ADARB2: variants seen among roughly 807,000 people sequenced by gnomAD.
ADARB2 encodes inactive double-stranded RNA-specific editase B2.
In ADARB2, 25 loss-of-function variants were observed where a neutral mutation model predicts 62.2. That is an observed-to-expected ratio of 0.40 (90% CI 0.29 to 0.56). ADARB2 has a LOEUF of 0.56. Among genes scored for constraint, ADARB2 ranks in the 20% least tolerant of loss-of-function variants. The pLI, the probability that ADARB2 is intolerant of heterozygous loss-of-function variation, is 0.43. For synonymous variants in ADARB2, 572 were observed against 500.8 expected, an observed-to-expected ratio of 1.14 and a Z score of -1.90; for missense variants, 1,071 against 1,077.4, an observed-to-expected ratio of 0.99 and a Z score of 0.08.
rs149074965 is a variant in ADARB2, at chr10:1,229,862, G to GTGTGTGTA, written c.1513+3831_1513+3832insTACACACA. ...TGTGCTTACGTGTGTGTGTGTGTGT[G>GTGTGTGTA]TGTGTGGGTATATATGTGTGAGAAA... On this transcript the variant is annotated intron_variant, in intron 6 of 9. Coordinates refer to ENST00000381312, the MANE Select transcript of ADARB2 (RefSeq NM_018702.4). Among the ~76,000 whole-genome samples, 116 of 151,602 alleles carry GTGTGTGTA rather than the reference G, an allele frequency of 7.7e-4. 1 individual carries two copies. The highest frequency in any genetic ancestry group is 2.4e-3 in the Admixed American group (36 of 15,268).
chr10:1,309,241 A>T (rs895850189), intron 3 of ADARB2, among the ~76,000 whole-genome samples: 2 of 152,248 alleles, frequency 1.3e-5, no homozygotes, highest in East Asian at 3.8e-4. Flanking sequence ...TGAGCACCAA[A>T]CTTCATCCAG....
intron 1 of ADARB2, among the ~76,000 whole-genome samples, chr10:1,524,707 G>C (rs1443897597): frequency 6.6e-6 from 1 of 152,144 alleles, no homozygotes; most frequent in African/African-American, 2.4e-5. Flanking sequence ...GGCTGCCCGG[G>C]GGGAGGTGGT....
chr10:1,607,585 G>A (rs1199955046), intron 1 of ADARB2, among the ~76,000 whole-genome samples: 1 of 152,036 alleles, frequency 6.6e-6, no homozygotes, highest in Non-Finnish European at 1.5e-5. Flanking sequence ...ATGGAGGGAC[G>A]CCCTGACCCA....
At chr10:1,458,111 C>T (rs922932107) in intron 1 of ADARB2, among the ~76,000 whole-genome samples, 4 of 152,166 alleles carry the variant, frequency 2.6e-5, no homozygotes, top group Non-Finnish European at 4.4e-5. Flanking sequence ...CCAGACGCAT[C>T]GTCACACTCA....
chr10:1,233,969 TTTTTTTTCC>T lies in ADARB2; in HGVS notation c.1362-133_1362-125del, dbSNP rs1404250322. Reference sequence around the variant, plus strand: ...CAAGTTTTCCTTTATATTTTTCCTTTTTTTTTTCCTTTTTTTTTTGAGACGGAGTCTTGT... The same window carrying T: ...CAAGTTTTCCTTTATATTTTTCCTTTTTTTTTTTTTGAGACGGAGTCTTGT... On this transcript the variant is annotated intron_variant, in intron 5 of 9. Coordinates refer to ENST00000381312, the MANE Select transcript of ADARB2 (RefSeq NM_018702.4). 7.3e-4 allele frequency: 664 copies of T among 913,186 alleles called. 12 individuals are homozygous for T. The African/African-American group carries it at 0.02, about 28-fold the overall frequency. 56.6% of individuals were successfully genotyped at this position (913,186 alleles called of 1,614,324 possible).
intron 8 of ADARB2, among the ~76,000 whole-genome samples, chr10:1,192,567 GA>G (rs1320267687): frequency 6.6e-6 from 1 of 152,226 alleles, no homozygotes; most frequent in Admixed American, 6.5e-5. Context: ...ACATTTATAA[GA>G]AACATAAAAA....
At chr10:1,211,500 A>C (rs978929114) in intron 7 of ADARB2, among the ~76,000 whole-genome samples, 1 of 152,210 alleles carries the variant, frequency 6.6e-6, no homozygotes. Flanking sequence ...CCAGAAGCTT[A>C]GAGTTTGGTG....
intron 1 of ADARB2, among the ~76,000 whole-genome samples, chr10:1,718,349 G>A (rs1425289218): frequency 1.3e-5 from 2 of 152,176 alleles, no homozygotes; most frequent in African/African-American, 2.4e-5. Context: ...ATGCATGGAC[G>A]GTCAGGCTTC....
intron 1 of ADARB2, among the ~76,000 whole-genome samples, chr10:1,455,744 T>C (rs1015627413): frequency 8.5e-5 from 13 of 152,182 alleles, no homozygotes; most frequent in African/African-American, 3.1e-4. Context: ...ACAGATTCAT[T>C]TCTGATTCAT....
intron 1 of ADARB2, among the ~76,000 whole-genome samples, chr10:1,611,283 G>A (rs964535438): frequency 3.3e-5 from 5 of 152,124 alleles, no homozygotes; most frequent in African/African-American, 9.7e-5. Context: ...TGTGCCCAAG[G>A]CCCATAAATC....
intron 5 of ADARB2, 83 bp from the exon 6 acceptor site, chr10:1,233,928 T>A (rs961922113): frequency 2.1e-6 from 3 of 1,409,898 alleles, no homozygotes; most frequent in Non-Finnish European, 2.8e-6. Context: ...GAGTCCTGTT[T>A]TGTAGAGTTG....
intron 7 of ADARB2, among the ~76,000 whole-genome samples, chr10:1,213,485 G>GC (rs914664329): frequency 1.8e-4 from 27 of 152,152 alleles, no homozygotes; most frequent in Non-Finnish European, 1.5e-4. Context: ...CCTTGCCTGT[G>GC]CCCCCACACC....
intron 8 of ADARB2, among the ~76,000 whole-genome samples, chr10:1,186,163 G>T (rs1412021218): frequency 6.6e-6 from 1 of 152,254 alleles, no homozygotes; most frequent in Non-Finnish European, 1.5e-5. Flanking sequence ...CCCTCGGGGT[G>T]GGGAAGGCAT....
chr10:1,568,110 G>A (rs1024251519), intron 1 of ADARB2, among the ~76,000 whole-genome samples: 2 of 152,196 alleles, frequency 1.3e-5, no homozygotes, highest in African/African-American at 2.4e-5. Flanking sequence ...AGTGAGAGAC[G>A]GCGCAGTGCA....
rs557237534 is a variant in ADARB2, at chr10:1,273,844, G to C, written c.1078-2775C>G. On this transcript the variant is annotated intron_variant, in intron 3 of 9. Transcript: ENST00000381312. Reference sequence around the variant, plus strand: ...GGACCTCCCGCATCTCCCAGGGAAAGCATCCGGGCACAGGGTTGATGGGGC... The same window carrying C: ...GGACCTCCCGCATCTCCCAGGGAAACCATCCGGGCACAGGGTTGATGGGGC... 6.6e-5 allele frequency among the ~76,000 whole-genome samples: 10 copies of C among 152,332 alleles called. No individual in the cohort carries two copies. In the South Asian group the frequency reaches 1.9e-3, roughly 28 times the overall value.
intron 8 of ADARB2, among the ~76,000 whole-genome samples, chr10:1,191,338 C>T (rs1836842305): frequency 3.3e-5 from 5 of 152,182 alleles, no homozygotes; most frequent in South Asian, 2.1e-4. Flanking sequence ...ACGGGGCACC[C>T]GGCACGTGCA....
At chr10:1,244,366 A>G (rs1467914583) in intron 4 of ADARB2, among the ~76,000 whole-genome samples, 1 of 152,264 alleles carries the variant, frequency 6.6e-6, no homozygotes, top group Non-Finnish European at 1.5e-5. Flanking sequence ...ACCGGTGCGC[A>G]TGCAGTCTCT....
intron 7 of ADARB2, among the ~76,000 whole-genome samples, chr10:1,214,790 C>CTT (rs1837211743): frequency 6.6e-6 from 1 of 152,242 alleles, no homozygotes; most frequent in Admixed American, 6.5e-5. Context: ...AGGAAGAATA[C>CTT]ATTTTCTTTT....
At chr10:1,219,915 GCGATGA>G (rs796849209) in intron 6 of ADARB2, among the ~76,000 whole-genome samples, 5 of 126,706 alleles carry the variant, frequency 3.9e-5, no homozygotes, top group African/African-American at 5.6e-5. Context: ...AATGGTGGTG[GCGATGA>G]TGGTGATGGT....
Sources: gnomAD v4.1 joint callset for allele counts (sites outside exome capture counted in the v4.1 genomes callset) on GRCh38, gnomAD v4.1.1 for gene constraint, MANE v1.5 for transcripts, NCBI Gene and HGNC (gene_info 2026-07-23, HGNC 2026-07-21) for gene names.